NBL1: variants seen among roughly 807,000 people sequenced by gnomAD.
NBL1 encodes NBL1, DAN family BMP antagonist, also known as neuroblastoma suppressor of tumorigenicity 1.
Under a neutral mutation model 16.0 loss-of-function variants are expected in NBL1, and 9 were observed. That is an observed-to-expected ratio of 0.56 (90% confidence interval 0.34 to 0.98). The LOEUF (loss-of-function observed/expected upper bound fraction) is 0.98, where lower values mean the gene tolerates loss of function less well. NBL1 is among the 50% of genes least tolerant of loss of function. The pLI, the probability that NBL1 is intolerant of heterozygous loss-of-function variation, is 0.02. For synonymous variants in NBL1, 86 were observed against 100.7 expected (o/e 0.85, Z 0.87); for missense variants, 196 against 243.1 (o/e 0.81, Z 1.29).
chr1:19,646,061 G>T (rs1271511859), intron 1 of NBL1: 1 of 1,550,232 alleles, frequency 6.5e-7, no homozygotes, highest in Non-Finnish European at 8.7e-7. Flanking sequence ...CTGGGTTTGG[G>T]GGCTGGCACA....
At chr1:19,648,592 C>T (rs772726953) in intron 1 of NBL1, among the ~76,000 whole-genome samples, 5 of 152,218 alleles carry the variant, frequency 3.3e-5, no homozygotes, top group Non-Finnish European at 7.3e-5. Flanking sequence ...CTGCCCTCTT[C>T]CCCGGAGTGG....
chr1:19,655,445 GC>G lies in NBL1; in HGVS notation c.282+12del. The stretch of plus-strand genomic sequence containing the variant: ...GTCCATGTGGGAGATTGTGAGTACT[GC>G]CTGCCTGCCCCACCCAGTCTCGGCC... On this transcript the variant is annotated intron_variant, in intron 3 of 3. Transcript: ENST00000375136. 6.2e-7 allele frequency: 1 copy of G among 1,613,400 alleles called. No homozygotes were observed. The highest frequency in any genetic ancestry group is 2.2e-5 in the East Asian group (1 of 44,852).
chr1:19,657,003 C>T lies in NBL1; in HGVS notation c.420C>T (p.Asp140=), dbSNP rs778808881. 2.1e-5 allele frequency: 33 copies of T among 1,592,708 alleles called. No individual in the cohort carries two copies. Among genetic ancestry groups the T allele is most frequent in the African/African-American group, 1.3e-4 (10 of 74,604 alleles). ...EGLSVYVQGE[D]GPGSQPGTHP... ...TGAGCGTCTATGTGCAGGGCGAGGA[C>T]GGGCCGGGATCCCAGCCCGGCACCC... The change falls in exon 4 of 4, where the codon GAC becomes GAT. Residue 140 remains aspartate, a synonymous_variant. Coordinates refer to ENST00000375136, the MANE Select transcript of NBL1 (RefSeq NM_005380.8).
chr1:19,643,931 G>C (rs2094961583), upstream of NBL1: 3 of 986,196 alleles, frequency 3.0e-6, no homozygotes, highest in African/African-American at 5.2e-5. This position sits in a 1 kb window ranked among gnomAD's most constrained non-coding sequence, Gnocchi z 4.7. Flanking sequence ...CCGAGGCCTG[G>C]CACGGCCTGA....
chr1:19,645,771 T>G, intron 1 of NBL1: 1 of 1,386,480 alleles, frequency 7.2e-7, no homozygotes, highest in Non-Finnish European at 9.4e-7. Flanking sequence ...GGCCTGTGTT[T>G]TGGAGGGGTG....
chr1:19,654,148 G>A (rs760804941), intron 1 of NBL1, among the ~76,000 whole-genome samples: 4 of 152,264 alleles, frequency 2.6e-5, no homozygotes, highest in South Asian at 2.1e-4. Flanking sequence ...GGTGGCTCAC[G>A]CCTGTAATCC....
intron 3 of NBL1, among the ~76,000 whole-genome samples, chr1:19,656,646 G>C (rs2095058156): frequency 1.3e-5 from 2 of 152,170 alleles, no homozygotes; most frequent in East Asian, 3.9e-4. Context: ...GCTGCTGGTG[G>C]GGAATGGGTG....
rs963785000 is a variant in NBL1, at chr1:19,644,803, C to T, written c.-20+357C>T. On this transcript the variant is annotated intron_variant, in intron 1 of 3. Transcript: ENST00000375136. This position sits in a 1 kb window ranked among gnomAD's most constrained non-coding sequence, Gnocchi z 4.6. ...GGGCGGGCCGGGCTCGCATGTCCCC[C>T]GGCCGTGCCCGGGCCTCGCCGCGCC... Among the ~76,000 whole-genome samples the T allele has an allele frequency of 5.3e-5, 8 of 151,698 alleles. No homozygotes were observed. The highest frequency in any genetic ancestry group is 1.9e-4 in the African/African-American group (8 of 41,420).
intron 1 of NBL1, chr1:19,647,615 G>A (rs1570547786): frequency 1.0e-6 from 1 of 985,516 alleles, no homozygotes; most frequent in Non-Finnish European, 1.2e-6. Context: ...AGCCACAAAC[G>A]CTGCGTGCTC....
At chr1:19,644,111 G>C (rs1012227259), upstream of NBL1, 148 of 974,870 alleles carry the variant, frequency 1.5e-4, no homozygotes, top group Non-Finnish European at 1.8e-4. This position sits in a 1 kb window ranked among gnomAD's most constrained non-coding sequence, Gnocchi z 4.6. Flanking sequence ...AGCTCAGCCC[G>C]GGGCGGGCGG....
At chr1:19,650,345 A>C (rs190704998) in intron 1 of NBL1, among the ~76,000 whole-genome samples, 3 of 152,318 alleles carry the variant, frequency 2.0e-5, no homozygotes, top group African/African-American at 7.2e-5. Context: ...CCTGAGAGCC[A>C]TCTCTGACTG....
intron 1 of NBL1, among the ~76,000 whole-genome samples, chr1:19,652,465 G>GA (rs1269278763): frequency 6.6e-6 from 1 of 152,062 alleles, no homozygotes; most frequent in Non-Finnish European, 1.5e-5. Context: ...AGGCGGCGGG[G>GA]GGGCAGCCTG....
intron 1 of NBL1, among the ~76,000 whole-genome samples, chr1:19,653,461 C>A (rs529248497): frequency 1.3e-5 from 2 of 152,178 alleles, no homozygotes; most frequent in Non-Finnish European, 2.9e-5. Context: ...ATCCAGGCCC[C>A]TCTAGGGACT....
intron 1 of NBL1, among the ~76,000 whole-genome samples, chr1:19,653,309 A>AAATT: frequency 7.2e-6 from 1 of 139,410 alleles, no homozygotes; most frequent in African/African-American, 2.7e-5. Context: ...AAAAAAAAGT[A>AAATT]CCTGGCTTTG....
chr1:19,651,259 G>A lies in NBL1; in HGVS notation c.-19-3753G>A, dbSNP rs1484241670. Among the ~76,000 whole-genome samples, 4 of 152,196 alleles carry A rather than the reference G, an allele frequency of 2.6e-5. No individual in the cohort carries two copies. The South Asian group carries it at 6.2e-4, about 24-fold the overall frequency. ...CCCGGGGAAAATGCTGGAGCTCCACGCTGCTGGCCCGGGGAGGCCGAGGCC... is the reference window on the plus strand; with the variant it reads ...CCCGGGGAAAATGCTGGAGCTCCACACTGCTGGCCCGGGGAGGCCGAGGCC... On this transcript the variant is annotated intron_variant, in intron 1 of 3. Transcript: ENST00000375136.
chr1:19,644,590 T>G lies in NBL1; in HGVS notation c.-20+144T>G. 2.7e-6 allele frequency: 1 copy of G among 367,046 alleles called. No homozygotes were observed. The highest frequency in any genetic ancestry group is 2.2e-5 in the African/African-American group (1 of 44,468). The allele number at this position is 367,046 out of a possible 1,614,324, so 22.7% of individuals were successfully genotyped here. On this transcript the variant is annotated intron_variant, in intron 1 of 3. Coordinates refer to ENST00000375136, the MANE Select transcript of NBL1 (RefSeq NM_005380.8). This position sits in a 1 kb window ranked among gnomAD's most constrained non-coding sequence, Gnocchi z 4.6. ...CCGGGTGGAGGCGCCGCCGCCGAGC[T>G]CAGGAGCCCTGGGGGACCTGGCGGG...
intron 1 of NBL1, among the ~76,000 whole-genome samples, chr1:19,648,839 G>A (rs3790745): frequency 0.11 from 17,273 of 151,688 alleles, 1,033 homozygotes; most frequent in East Asian, 0.17. Flanking sequence ...GCCTCACGGC[G>A]CCCCCATGAG....
chr1:19,645,545 C>A, intron 1 of NBL1: 1 of 1,013,356 alleles, frequency 9.9e-7, no homozygotes, highest in East Asian at 9.6e-5. Flanking sequence ...GGGCTGGAGG[C>A]CAAAGACCGG....
In NBL1 at chr1:19,644,632, C is replaced by T. The variant is rs376942325; in HGVS notation, c.-20+186C>T. 7.9e-5 allele frequency among the ~76,000 whole-genome samples: 12 copies of T among 151,088 alleles called. 2 individuals carry two copies. The highest frequency in any genetic ancestry group is 2.1e-4 in the South Asian group (1 of 4,820). ...CCTGGCGGGCGCCTCCGGACGCCGG[C>T]GCTGGGGACGTGGGCGCGGCACGGG... is the stretch of plus-strand genomic sequence containing the variant. On this transcript the variant is annotated intron_variant, in intron 1 of 3. Coordinates refer to ENST00000375136, the MANE Select transcript of NBL1 (RefSeq NM_005380.8). This position sits in a 1 kb window ranked among gnomAD's most constrained non-coding sequence, Gnocchi z 4.6.
Sources: allele counts gnomAD v4.1 joint callset (sites outside exome capture counted in the v4.1 genomes callset), GRCh38; gene constraint gnomAD v4.1.1; non-coding constraint Gnocchi (gnomAD v3.1); transcripts MANE v1.5; gene names NCBI Gene and HGNC (gene_info 2026-07-23, HGNC 2026-07-21).